NUSAP1: variants seen among roughly 807,000 people sequenced by gnomAD.
NUSAP1 encodes nucleolar and spindle-associated protein 1.
In NUSAP1, 32 loss-of-function variants were observed where a neutral mutation model predicts 52.8. The observed-to-expected ratio is 0.61, with a 90% CI of 0.46 to 0.81. The LOEUF is 0.81. NUSAP1 is among the 40% of genes least tolerant of loss of function. The pLI is 0.00. For synonymous variants in NUSAP1, 195 were observed against 183.1 expected, an observed-to-expected ratio of 1.06 and a Z score of -0.52; for missense variants, 499 against 522.3, an observed-to-expected ratio of 0.96 and a Z score of 0.43.
intron 8 of NUSAP1, among the ~76,000 whole-genome samples, chr15:41,373,222 C>T (rs2049777621): frequency 6.6e-6 from 1 of 151,876 alleles, no homozygotes; most frequent in Admixed American, 6.6e-5. Flanking sequence ...GGCAAAACCT[C>T]GTCTCTACTA....
Position 41,337,121 on chromosome 15 carries a change from A to G in NUSAP1, c.93+4071A>G, listed in dbSNP as rs1279283807. Among the ~76,000 whole-genome samples the G allele has an allele frequency of 2.0e-5, 3 of 150,052 alleles. 1 individual carries two copies. Among genetic ancestry groups the G allele is most frequent in the East Asian group, 3.9e-4 (2 of 5,120 alleles). Reference sequence around the variant, plus strand: ...AGCCTCAACCTCCCGGGCTCAAGCAATCCTCCCACCGCAGCCCCCTGAGTA... The same window carrying G: ...AGCCTCAACCTCCCGGGCTCAAGCAGTCCTCCCACCGCAGCCCCCTGAGTA... On this transcript the variant is annotated intron_variant, in intron 1 of 10. Transcript: ENST00000559596.
chr15:41,368,650 T>C (rs934833216), intron 7 of NUSAP1, among the ~76,000 whole-genome samples: 2 of 152,050 alleles, frequency 1.3e-5, no homozygotes, highest in African/African-American at 4.8e-5. Context: ...ACATTTGCAG[T>C]ATCTAATAGA....
chr15:41,376,986 G>A (rs766851716), intron 9 of NUSAP1, among the ~76,000 whole-genome samples: 3 of 151,822 alleles, frequency 2.0e-5, no homozygotes, highest in Non-Finnish European at 4.4e-5. Context: ...TAAATTGGGA[G>A]GATCACTTGA....
intron 10 of NUSAP1, among the ~76,000 whole-genome samples, 177 bp downstream of exon 10, chr15:41,377,481 C>T (rs1429078036): frequency 6.6e-6 from 1 of 151,796 alleles, no homozygotes; most frequent in Non-Finnish European, 1.5e-5. Flanking sequence ...GGGCGGAACA[C>T]GAGGTCAGGA....
chr15:41,380,289 T>A lies in NUSAP1; in HGVS notation c.*103T>A. ...CCCCACTTTAGTCACGAGATCTTTT[T>A]CTGCTAACTGTTCATAGTCTGTGTA... On this transcript the variant is annotated 3_prime_UTR_variant, in exon 11 of 11. Coordinates refer to ENST00000559596, the MANE Select transcript of NUSAP1 (RefSeq NM_016359.5). 1.4e-6 allele frequency: 1 copy of A among 724,684 alleles called. No individual in the cohort carries two copies. Among genetic ancestry groups the A allele is most frequent in the Non-Finnish European group, 2.3e-6 (1 of 427,332 alleles). The allele number at this position is 724,684 out of a possible 1,614,324, so 44.9% of individuals were successfully genotyped here.
intron 8 of NUSAP1, among the ~76,000 whole-genome samples, chr15:41,372,218 G>T (rs2049727646): frequency 6.6e-6 from 1 of 152,066 alleles, no homozygotes; most frequent in South Asian, 2.1e-4. Context: ...ATCCTAAAAT[G>T]GTGACCCTCC....
intron 1 of NUSAP1, among the ~76,000 whole-genome samples, chr15:41,333,313 G>A (rs2047991722): frequency 6.6e-6 from 1 of 152,062 alleles, no homozygotes; most frequent in Non-Finnish European, 1.5e-5. Flanking sequence ...ATTGTTTTTT[G>A]TTTTGTTTTG....
intron 8 of NUSAP1, among the ~76,000 whole-genome samples, chr15:41,375,367 G>A (rs9672866): frequency 0.087 from 13,279 of 151,944 alleles, 732 homozygotes; most frequent in African/African-American, 0.16. Flanking sequence ...GTAGAGATGG[G>A]GTTTCTCCGT....
At chr15:41,357,544 A>G (rs1206991856) in intron 5 of NUSAP1, among the ~76,000 whole-genome samples, 2 of 151,604 alleles carry the variant, frequency 1.3e-5, no homozygotes, top group African/African-American at 4.8e-5. Context: ...CCCGGGTTCA[A>G]GCGATTCTCC....
chr15:41,365,642 A>G, intron 7 of NUSAP1, 53 bp downstream of exon 7: 1 of 1,407,286 alleles, frequency 7.1e-7, no homozygotes. Context: ...CATGGACTAT[A>G]TAAAAAAAAA....
chr15:41,358,364 A>G lies in NUSAP1; in HGVS notation c.660+106A>G, dbSNP rs949426297. 7 of 610,202 alleles carry G rather than the reference A, an allele frequency of 1.1e-5. No homozygotes were observed. The Admixed American group carries it at 2.4e-4, about 21-fold the overall frequency. 37.8% of individuals were successfully genotyped at this position (610,202 alleles called of 1,614,324 possible). ...CAACTGGCTGTCACTCTACCAGTAG[A>G]TTTGTTTGAATTTAATATATCTTTA... On this transcript the variant is annotated intron_variant, in intron 6 of 10. Transcript: ENST00000559596.
intron 4 of NUSAP1, among the ~76,000 whole-genome samples, chr15:41,352,452 G>T (rs1177479061): frequency 6.6e-6 from 1 of 152,008 alleles, no homozygotes; most frequent in Non-Finnish European, 1.5e-5. Context: ...TTCTAATCCT[G>T]AGCCTTCTCA....
intron 3 of NUSAP1, 143 bp downstream of exon 3, chr15:41,349,384 C>T (rs2048698750): frequency 1.3e-6 from 1 of 756,662 alleles, no homozygotes; most frequent in Non-Finnish European, 2.1e-6. Context: ...AGCCCAGACC[C>T]AAGTCCAGCT....
chr15:41,337,480 C>T (rs1259969681), intron 1 of NUSAP1, among the ~76,000 whole-genome samples: 1 of 152,202 alleles, frequency 6.6e-6, no homozygotes, highest in Non-Finnish European at 1.5e-5. Flanking sequence ...TTAATTTCTC[C>T]ACTCTGCTAG....
At position 41,358,234 on chromosome 15, in the gene NUSAP1, A is replaced by C; in HGVS notation, c.636A>C (p.Glu212Asp). 1 of 1,519,924 alleles carries C rather than the reference A, an allele frequency of 6.6e-7. No individual in the cohort carries two copies. Among genetic ancestry groups the C allele is most frequent in the Non-Finnish European group, 9.1e-7 (1 of 1,101,438 alleles). 94.2% of individuals were successfully genotyped at this position (1,519,924 alleles called of 1,614,324 possible). Residue 212 changes from glutamate to aspartate, a missense_variant, in exon 6 of 11, where the codon GAA becomes GAC. Transcript: ENST00000559596. ...YIERKKKHFE[E>D]HNSMNELKQQ... ...AGAGAAAAAAGAAACATTTTGAAGA[A>C]CACAATTCCATGAATGAACTGAAGG...
chr15:41,352,379 G>A (rs2048809738), intron 4 of NUSAP1, among the ~76,000 whole-genome samples: 2 of 152,070 alleles, frequency 1.3e-5, no homozygotes, highest in Non-Finnish European at 2.9e-5. Flanking sequence ...GCCAGAGGAG[G>A]AGTTAGAGAG....
chr15:41,377,285 C>G lies in NUSAP1; in HGVS notation c.1213C>G (p.Gln405Glu), dbSNP rs565436154. 1 of 1,499,656 alleles carries G rather than the reference C, an allele frequency of 6.7e-7. No individual in the cohort carries two copies. Among genetic ancestry groups the G allele is most frequent in the South Asian group, 1.3e-5 (1 of 79,698 alleles). The allele number at this position is 1,499,656 out of a possible 1,614,324, so 92.9% of individuals were successfully genotyped here. ...TAACTTCTACAAGAAAACTTACAAA[C>G]AACCCCATCTCCAGACAAAGTAAGT... ...RINFYKKTYK[Q>E]PHLQTKEEQR... Residue 405 changes from glutamine (Q) to glutamate (E), a missense_variant, in exon 10 of 11, where the codon CAA becomes GAA. Coordinates refer to ENST00000559596, the MANE Select transcript of NUSAP1 (RefSeq NM_016359.5).
chr15:41,349,024 G>A, intron 2 of NUSAP1, 74 bp from the exon 3 acceptor site: 1 of 1,435,246 alleles, frequency 7.0e-7, no homozygotes, highest in Non-Finnish European at 9.6e-7. Flanking sequence ...TTTTTATTCT[G>A]TCTCAATTCT....
At chr15:41,352,560 C>G (rs939495381) in intron 4 of NUSAP1, among the ~76,000 whole-genome samples, 2 of 151,722 alleles carry the variant, frequency 1.3e-5, no homozygotes, top group African/African-American at 4.8e-5. Flanking sequence ...TAACAAGTCT[C>G]CCAGGTAATT....
Sources: gnomAD v4.1 joint callset for allele counts (sites outside exome capture counted in the v4.1 genomes callset) on GRCh38, gnomAD v4.1.1 for gene constraint, MANE v1.5 for transcripts, NCBI Gene and HGNC (gene_info 2026-07-23, HGNC 2026-07-21) for gene names.